The following GABBR2 variants were observed in gnomAD, a reference collection of about 807,000 sequenced individuals.
The protein encoded by GABBR2 is G-protein coupled receptor 51.
GABBR2 carries 23 observed loss-of-function variants against 105.6 expected under a neutral mutation model. The observed-to-expected ratio is 0.22, with a 90% CI of 0.16 to 0.31. The LOEUF (loss-of-function observed/expected upper bound fraction) is 0.31. GABBR2 is among the 10% of genes least tolerant of loss of function. The pLI is 1.00. For synonymous variants in GABBR2, 478 were observed against 499.7 expected, an observed-to-expected ratio of 0.96 and a Z score of 0.58; for missense variants, 734 against 1,245.5, an observed-to-expected ratio of 0.59 and a Z score of 6.18.
intron 3 of GABBR2, among the ~76,000 whole-genome samples, chr9:98,539,897 A>G (rs1282831943): frequency 6.7e-6 from 1 of 149,656 alleles, no homozygotes; most frequent in Non-Finnish European, 1.5e-5. Flanking sequence ...GCCTGGTGAC[A>G]GAGTGAGACT....
At chr9:98,580,396 C>T (rs1041887254) in intron 1 of GABBR2, among the ~76,000 whole-genome samples, 1 of 152,138 alleles carries the variant, frequency 6.6e-6, no homozygotes, top group Non-Finnish European at 1.5e-5. Context: ...TGACTGATTT[C>T]CTAACTAGAA....
In GABBR2 at chr9:98,388,660, T is replaced by TGTGTGTGTGC. The variant is rs1053006846; in HGVS notation, c.1529+193_1529+194insGCACACACAC. On this transcript the variant is annotated intron_variant, in intron 10 of 18. Coordinates refer to ENST00000259455, the MANE Select transcript of GABBR2 (RefSeq NM_005458.8). The surrounding 1 kb of genome is among the most constrained non-coding windows in gnomAD (Gnocchi z 4.4). ...GTGTGTGTGTGTGTGTGTGTGTGTG[T>TGTGTGTGTGC]GCGTGCACGCACACACACGTACTCA... 8.1e-4 allele frequency among the ~76,000 whole-genome samples: 115 copies of TGTGTGTGTGC among 141,788 alleles called. 1 individual carries two copies. Among genetic ancestry groups the TGTGTGTGTGC allele is most frequent in the African/African-American group, 3.0e-3 (107 of 36,006 alleles). 93.0% of individuals were successfully genotyped at this position (141,788 alleles called of 152,430 possible).
chr9:98,321,665 G>C (rs911319751), intron 13 of GABBR2, among the ~76,000 whole-genome samples: 8 of 152,198 alleles, frequency 5.3e-5, no homozygotes, highest in Non-Finnish European at 1.2e-4. Context: ...ACAGGAGACA[G>C]AGAAAGACAA....
chr9:98,509,564 G>T (rs1790000352), intron 3 of GABBR2, among the ~76,000 whole-genome samples: 1 of 152,182 alleles, frequency 6.6e-6, no homozygotes, highest in Non-Finnish European at 1.5e-5. Flanking sequence ...CCAATGCAGA[G>T]AAGTCCTTAA....
intron 7 of GABBR2, among the ~76,000 whole-genome samples, chr9:98,419,381 C>A (rs1381708570): frequency 6.6e-6 from 1 of 152,174 alleles, no homozygotes; most frequent in Non-Finnish European, 1.5e-5. Context: ...TCTTAAAGAG[C>A]AGACGATCTT....
chr9:98,481,307 T>C (rs1259505458), intron 4 of GABBR2, among the ~76,000 whole-genome samples: 1 of 152,168 alleles, frequency 6.6e-6, no homozygotes, highest in Non-Finnish European at 1.5e-5. Flanking sequence ...TCCCCTGTTC[T>C]CCTCCCACCA....
At chr9:98,540,436 T>C (rs903509401) in intron 3 of GABBR2, among the ~76,000 whole-genome samples, 1 of 152,136 alleles carries the variant, frequency 6.6e-6, no homozygotes, top group Non-Finnish European at 1.5e-5. Context: ...CAAGGTAACG[T>C]CTCCAAGGTC....
At chr9:98,332,180 A>G (rs564799651) in intron 13 of GABBR2, among the ~76,000 whole-genome samples, 2 of 152,292 alleles carry the variant, frequency 1.3e-5, no homozygotes, top group South Asian at 4.1e-4. Context: ...AAATGGAAAC[A>G]GAACACTCTC....
intron 4 of GABBR2, among the ~76,000 whole-genome samples, chr9:98,491,032 A>G (rs1372907188): frequency 6.6e-6 from 1 of 151,672 alleles, no homozygotes; most frequent in Non-Finnish European, 1.5e-5. Flanking sequence ...TCCAAGAGTG[A>G]GAGAGAGATG....
chr9:98,340,694 A>G (rs1831197217), intron 13 of GABBR2, among the ~76,000 whole-genome samples: 1 of 152,188 alleles, frequency 6.6e-6, no homozygotes, highest in African/African-American at 2.4e-5. Context: ...GACAATGGGT[A>G]CCCCATAAAT....
At chr9:98,343,961 G>T (rs1410639905) in intron 13 of GABBR2, among the ~76,000 whole-genome samples, 1 of 152,146 alleles carries the variant, frequency 6.6e-6, no homozygotes, top group Non-Finnish European at 1.5e-5. Flanking sequence ...TGATCTAAAA[G>T]CAGCATTTGA....
intron 3 of GABBR2, among the ~76,000 whole-genome samples, chr9:98,523,132 C>A (rs2779577): frequency 0.96 from 146,682 of 152,308 alleles, 70,686 homozygotes; most frequent in African/African-American, 0.99. Flanking sequence ...ATATGCTTAA[C>A]TACGCTTAAT....
chr9:98,432,863 C>T (rs947089184), intron 7 of GABBR2, among the ~76,000 whole-genome samples: 2 of 152,140 alleles, frequency 1.3e-5, no homozygotes, highest in Non-Finnish European at 2.9e-5. Flanking sequence ...ATCCCATGGC[C>T]TCCAGTCTGG....
chr9:98,387,967 G>A (rs1832105246), intron 10 of GABBR2, among the ~76,000 whole-genome samples: 1 of 152,084 alleles, frequency 6.6e-6, no homozygotes. Context: ...GTGGCTTCTG[G>A]GCACCATGGC....
intron 15 of GABBR2, among the ~76,000 whole-genome samples, chr9:98,305,694 A>ACTTG (rs1830540077): frequency 6.6e-6 from 1 of 152,100 alleles, no homozygotes; most frequent in South Asian, 2.1e-4. Flanking sequence ...GCAAGCCTGT[A>ACTTG]GTCCCAGCTA....
chr9:98,394,953 T>C (rs1158073957), intron 8 of GABBR2, among the ~76,000 whole-genome samples: 2 of 152,264 alleles, frequency 1.3e-5, no homozygotes, highest in Non-Finnish European at 2.9e-5. Context: ...TGCTGTGTCA[T>C]ACTAAGCATA....
chr9:98,332,219 T>C (rs369508883), intron 13 of GABBR2, among the ~76,000 whole-genome samples: 25 of 152,000 alleles, frequency 1.6e-4, no homozygotes, highest in Middle Eastern at 3.4e-3. Context: ...ATTAAATGAG[T>C]GGATGGCCAT....
chr9:98,656,093 A>G (rs927724507), intron 1 of GABBR2, among the ~76,000 whole-genome samples: 5 of 152,230 alleles, frequency 3.3e-5, no homozygotes, highest in Non-Finnish European at 5.9e-5. Flanking sequence ...CAGGGTATGG[A>G]AGGAACAGAG....
chr9:98,383,021 A>G (rs890461407), intron 11 of GABBR2, among the ~76,000 whole-genome samples: 2 of 151,562 alleles, frequency 1.3e-5, no homozygotes, highest in Non-Finnish European at 2.9e-5. Flanking sequence ...GCTCACTGTA[A>G]CCCCTGCCTC....
Sources: allele counts gnomAD v4.1 joint callset (sites outside exome capture counted in the v4.1 genomes callset), GRCh38; gene constraint gnomAD v4.1.1; non-coding constraint Gnocchi (gnomAD v3.1); transcripts MANE v1.5; gene names NCBI Gene and HGNC (gene_info 2026-07-23, HGNC 2026-07-21).